Variants in BARX2 observed in about 807,000 individuals in gnomAD.
BARX2 encodes the protein BARX homeobox 2.
Under a neutral mutation model 25.5 loss-of-function variants are expected in BARX2, and 11 were observed. That is an observed-to-expected ratio of 0.43 (90% CI 0.27 to 0.71). The LOEUF (loss-of-function observed/expected upper bound fraction) is 0.71, where lower values mean the gene tolerates loss of function less well. Ranked by LOEUF, BARX2 falls within the 30% of genes least tolerant of loss-of-function variation. The pLI, the probability that BARX2 is intolerant of heterozygous loss-of-function variation, is 0.19. For missense variants in BARX2, 360 were observed against 359.9 expected, an observed-to-expected ratio of 1.00 and a Z score of 0.00; for synonymous variants, 137 against 149.5, an observed-to-expected ratio of 0.92 and a Z score of 0.61.
At chr11:129,434,257 G>T (rs1036511740) in intron 1 of BARX2, among the ~76,000 whole-genome samples, 2 of 148,086 alleles carry the variant, frequency 1.4e-5, no homozygotes, top group Non-Finnish European at 3.0e-5. Flanking sequence ...CAGTTTATAT[G>T]TTTTTTTTTA....
chr11:129,398,834 A>C (rs1378595877), intron 1 of BARX2, among the ~76,000 whole-genome samples: 7 of 152,234 alleles, frequency 4.6e-5, no homozygotes, highest in Non-Finnish European at 1.0e-4. Context: ...TAGTTGGCTT[A>C]ATAGAACCTT....
Position 129,451,335 on chromosome 11 carries a change from T to C in BARX2, c.773T>C (p.Met258Thr), listed in dbSNP as rs750479987. 32 of 1,614,124 alleles carry C rather than the reference T, an allele frequency of 2.0e-5. No individual in the cohort carries two copies. The highest frequency in any genetic ancestry group is 6.7e-5 in the East Asian group (3 of 44,878). The change falls in exon 4 of 4, where the codon ATG becomes ACG. Residue 258 changes from methionine to threonine, a missense_variant. Coordinates refer to ENST00000281437, the MANE Select transcript of BARX2 (RefSeq NM_003658.5). Reference sequence around the variant, plus strand: ...AAAGCACGTGATGTCCCCTTAGAGATGGCAGAGCCACCAGACCCGCCCCAG... The same window carrying C: ...AAAGCACGTGATGTCCCCTTAGAGACGGCAGAGCCACCAGACCCGCCCCAG... ...EPKARDVPLEMAEPPDPPQEL... is the reference protein window; with the variant it reads ...EPKARDVPLETAEPPDPPQEL...
At chr11:129,400,705 G>A (rs920465119) in intron 1 of BARX2, among the ~76,000 whole-genome samples, 6 of 152,306 alleles carry the variant, frequency 3.9e-5, no homozygotes, top group East Asian at 3.9e-4. Context: ...GGAGGATGAC[G>A]TTGACAGGGA....
chr11:129,376,776 A>G lies in BARX2; in HGVS notation c.187+554A>G, dbSNP rs1433002604. On this transcript the variant is annotated intron_variant, in intron 1 of 3. Transcript: ENST00000281437. The surrounding 1 kb of genome is among the most constrained non-coding windows in gnomAD (Gnocchi z 4.2). Reference sequence around the variant, plus strand: ...TACATTGTCTTTGTGGCACAAGCCGAAAAGGTCACCCTCGTTTGTCTTAAG... The same window carrying G: ...TACATTGTCTTTGTGGCACAAGCCGGAAAGGTCACCCTCGTTTGTCTTAAG... 6.6e-6 allele frequency among the ~76,000 whole-genome samples: 1 copy of G among 152,192 alleles called. No individual in the cohort carries two copies. Among genetic ancestry groups the G allele is most frequent in the African/African-American group, 2.4e-5 (1 of 41,446 alleles).
intron 1 of BARX2, among the ~76,000 whole-genome samples, chr11:129,389,234 A>G (rs1367202634): frequency 6.6e-6 from 1 of 152,232 alleles, no homozygotes; most frequent in Non-Finnish European, 1.5e-5. Flanking sequence ...ATTATCTTAC[A>G]ATAGTAACCT....
chr11:129,414,621 TC>T, intron 1 of BARX2, among the ~76,000 whole-genome samples: 1 of 152,336 alleles, frequency 6.6e-6, no homozygotes, highest in South Asian at 2.1e-4. Flanking sequence ...CTAACCCATG[TC>T]CTCAAATCCC....
chr11:129,376,896 C>T lies in BARX2; in HGVS notation c.187+674C>T, dbSNP rs954815891. 6.6e-5 allele frequency among the ~76,000 whole-genome samples: 10 copies of T among 152,246 alleles called. No individual in the cohort carries two copies. Among genetic ancestry groups the T allele is most frequent in the Admixed American group, 2.0e-4 (3 of 15,298 alleles). ...ACTCACACCTGGTTTTCTCTCTTCA[C>T]GGGAGGTAAGAGCAATAGTAAAGAT... On this transcript the variant is annotated intron_variant, in intron 1 of 3. Coordinates refer to ENST00000281437, the MANE Select transcript of BARX2 (RefSeq NM_003658.5). The surrounding 1 kb of genome is among the most constrained non-coding windows in gnomAD (Gnocchi z 4.2).
At chr11:129,435,192 T>C (rs1433387300) in intron 1 of BARX2, among the ~76,000 whole-genome samples, 1 of 152,188 alleles carries the variant, frequency 6.6e-6, no homozygotes, top group East Asian at 1.9e-4. Flanking sequence ...TGCTCTAAAA[T>C]ATCACTCCCA....
chr11:129,446,552 TATTATC>T (rs1862331988), intron 3 of BARX2, among the ~76,000 whole-genome samples: 1 of 152,204 alleles, frequency 6.6e-6, no homozygotes, highest in African/African-American at 2.4e-5. Flanking sequence ...TTGCCGTTAT[TATTATC>T]ATTATTAGTA....
At chr11:129,420,991 C>T (rs1298949525) in intron 1 of BARX2, among the ~76,000 whole-genome samples, 1 of 152,100 alleles carries the variant, frequency 6.6e-6, no homozygotes, top group African/African-American at 2.4e-5. Context: ...CAAGAAAGAC[C>T]TCACTGTGGC....
chr11:129,392,111 C>G (rs761990286), intron 1 of BARX2, among the ~76,000 whole-genome samples: 4 of 152,174 alleles, frequency 2.6e-5, no homozygotes, highest in Non-Finnish European at 5.9e-5. Context: ...GAATTTTCAA[C>G]TCTTCAGGGT....
At chr11:129,431,925 A>G (rs1364986145) in intron 1 of BARX2, among the ~76,000 whole-genome samples, 1 of 151,846 alleles carries the variant, frequency 6.6e-6, no homozygotes, top group African/African-American at 2.4e-5. Flanking sequence ...CTGAAGGTCT[A>G]TGATCCATTT....
At chr11:129,448,514 T>C (rs751011167) in intron 3 of BARX2, among the ~76,000 whole-genome samples, 1 of 152,142 alleles carries the variant, frequency 6.6e-6, no homozygotes, top group African/African-American at 2.4e-5. Context: ...ATAAGCACTA[T>C]GAAAAGATGC....
At chr11:129,418,139 G>A (rs1419785207) in intron 1 of BARX2, among the ~76,000 whole-genome samples, 1 of 152,198 alleles carries the variant, frequency 6.6e-6, no homozygotes, top group Non-Finnish European at 1.5e-5. Context: ...GTTACCAGCT[G>A]AGGAAGTAAA....
chr11:129,417,611 C>T (rs1210509148), intron 1 of BARX2, among the ~76,000 whole-genome samples: 10 of 152,172 alleles, frequency 6.6e-5, no homozygotes, highest in African/African-American at 2.2e-4. Flanking sequence ...GATGAAAGCA[C>T]GCTACAGCTG....
intron 1 of BARX2, among the ~76,000 whole-genome samples, chr11:129,434,417 T>A (rs760452694): frequency 0.017 from 616 of 35,340 alleles, no homozygotes; most frequent in Middle Eastern, 0.083. Flanking sequence ...AAAAAAAAAG[T>A]AAGTAAAAAA....
intron 3 of BARX2, among the ~76,000 whole-genome samples, chr11:129,448,827 C>G (rs181586370): frequency 6.6e-6 from 1 of 152,114 alleles, no homozygotes; most frequent in African/African-American, 2.4e-5. Context: ...GATGAGTGAA[C>G]GAACAAAACA....
intron 2 of BARX2, among the ~76,000 whole-genome samples, chr11:129,441,266 C>G (rs1016323695): frequency 4.6e-5 from 7 of 152,128 alleles, no homozygotes; most frequent in Non-Finnish European, 1.0e-4. Context: ...AATGCAGGAG[C>G]TGGTGTACAG....
At chr11:129,402,320 A>G (rs1011421526) in intron 1 of BARX2, among the ~76,000 whole-genome samples, 2 of 143,688 alleles carry the variant, frequency 1.4e-5, no homozygotes, top group Admixed American at 1.4e-4. Flanking sequence ...TTGTTTCCCC[A>G]TTCCAAAAAA....
Sources: allele counts gnomAD v4.1 joint callset (sites outside exome capture counted in the v4.1 genomes callset), GRCh38; gene constraint gnomAD v4.1.1; non-coding constraint Gnocchi (gnomAD v3.1); transcripts MANE v1.5; gene names NCBI Gene and HGNC (gene_info 2026-07-23, HGNC 2026-07-21).